Variants in SLC25A12 observed in about 807,000 individuals in gnomAD.
SLC25A12 encodes solute carrier family 25 member 12.
Under a neutral mutation model 83.3 loss-of-function variants are expected in SLC25A12, and 32 were observed. The observed-to-expected ratio is 0.38, with a 90% CI of 0.29 to 0.52. The LOEUF is 0.52. Ranked by LOEUF, SLC25A12 falls within the 20% of genes least tolerant of loss-of-function variation. SLC25A12 has a pLI of 0.84. For missense variants in SLC25A12, 611 were observed against 835.6 expected (o/e 0.73, Z 3.31); for synonymous variants, 267 against 291.1 (o/e 0.92, Z 0.84).
At chr2:171,796,391 CAAGT>C (rs1370929175) in intron 13 of SLC25A12, among the ~76,000 whole-genome samples, 1 of 152,176 alleles carries the variant, frequency 6.6e-6, no homozygotes, top group East Asian at 1.9e-4. Context: ...TATAATCTAG[CAAGT>C]AAGAGTGCAA....
intron 13 of SLC25A12, among the ~76,000 whole-genome samples, chr2:171,804,767 G>C (rs149353332): frequency 4.7e-3 from 710 of 152,278 alleles, no homozygotes; most frequent in Middle Eastern, 0.014. Flanking sequence ...AATTAGCTGA[G>C]GGTGGTGGCA....
At chr2:171,807,242 A>C (rs1166579024) in intron 13 of SLC25A12, among the ~76,000 whole-genome samples, 1 of 152,134 alleles carries the variant, frequency 6.6e-6, no homozygotes, top group Non-Finnish European at 1.5e-5. Context: ...GTCCAACCTG[A>C]CTATTTTTCA....
intron 5 of SLC25A12, among the ~76,000 whole-genome samples, chr2:171,838,744 C>T (rs1341561076): frequency 1.3e-5 from 2 of 152,112 alleles, no homozygotes; most frequent in African/African-American, 2.4e-5. Context: ...TTTAAAGATA[C>T]GTATTTGAAG....
chr2:171,867,982 C>CTTG, intron 3 of SLC25A12, among the ~76,000 whole-genome samples: 1 of 151,876 alleles, frequency 6.6e-6, no homozygotes, highest in Admixed American at 6.6e-5. Flanking sequence ...GTAGCTGGGA[C>CTTG]TACAGGCGCC....
intron 2 of SLC25A12, among the ~76,000 whole-genome samples, chr2:171,891,142 T>C (rs1685926047): frequency 6.6e-6 from 1 of 151,918 alleles, no homozygotes; most frequent in South Asian, 2.1e-4. Context: ...CTGTCTCTAC[T>C]AAAAATACAA....
chr2:171,789,694 AGCTGT>A (rs1231842007), intron 15 of SLC25A12, among the ~76,000 whole-genome samples: 1 of 152,208 alleles, frequency 6.6e-6, no homozygotes, highest in African/African-American at 2.4e-5. Flanking sequence ...GGCTCTGACC[AGCTGT>A]GCTGGCCAAC....
intron 9 of SLC25A12, among the ~76,000 whole-genome samples, chr2:171,823,740 T>C (rs1298678705): frequency 1.3e-5 from 2 of 152,164 alleles, no homozygotes; most frequent in Non-Finnish European, 2.9e-5. Flanking sequence ...AGTGGATTAA[T>C]GTAAGCTTAG....
intron 2 of SLC25A12, among the ~76,000 whole-genome samples, chr2:171,875,512 A>G (rs944169193): frequency 1.3e-5 from 2 of 152,108 alleles, no homozygotes; most frequent in Non-Finnish European, 2.9e-5. Flanking sequence ...GAGAGAGAGA[A>G]AGGGCAAGGG....
At chr2:171,884,418 T>C (rs916108888) in intron 2 of SLC25A12, among the ~76,000 whole-genome samples, 1 of 149,532 alleles carries the variant, frequency 6.7e-6, no homozygotes, top group Non-Finnish European at 1.5e-5. Context: ...CTCGAACTCC[T>C]GACCTCGTGG....
chr2:171,849,831 C>CA (rs1034384673), intron 4 of SLC25A12, among the ~76,000 whole-genome samples: 16 of 151,900 alleles, frequency 1.1e-4, no homozygotes, highest in Admixed American at 1.0e-3. Context: ...GCTGAGATTA[C>CA]AGGCGTGAGC....
chr2:171,795,295 T>G (rs1683576324), intron 13 of SLC25A12, among the ~76,000 whole-genome samples: 1 of 152,182 alleles, frequency 6.6e-6, no homozygotes, highest in Non-Finnish European at 1.5e-5. Context: ...CTGACCCAAT[T>G]TTACATGTTG....
chr2:171,793,478 C>G (rs1683531724), intron 14 of SLC25A12, 149 bp downstream of exon 14: 2 of 795,288 alleles, frequency 2.5e-6, no homozygotes, highest in Admixed American at 4.2e-5. Flanking sequence ...GCCTCTCATA[C>G]AAGTGTCCTG....
chr2:171,810,768 ATCT>A (rs1683931897), intron 11 of SLC25A12, among the ~76,000 whole-genome samples: 1 of 152,206 alleles, frequency 6.6e-6, no homozygotes, highest in African/African-American at 2.4e-5. Flanking sequence ...AACTCCCATA[ATCT>A]TCTCTTCAGA....
At chr2:171,834,902 C>T (rs760596120) in intron 6 of SLC25A12, 37 bp from the exon 7 acceptor site, 1 of 1,598,910 alleles carries the variant, frequency 6.3e-7, no homozygotes, top group South Asian at 1.1e-5. Context: ...AAAAAACAAA[C>T]AAAAACAAAA....
At chr2:171,849,439 A>G (rs942355297) in intron 4 of SLC25A12, among the ~76,000 whole-genome samples, 11 of 152,014 alleles carry the variant, frequency 7.2e-5, no homozygotes, top group African/African-American at 2.4e-4. Context: ...ATTTAATTTG[A>G]ATACTCAGGT....
chr2:171,877,246 G>A (rs542071032), intron 2 of SLC25A12, among the ~76,000 whole-genome samples: 2 of 152,264 alleles, frequency 1.3e-5, no homozygotes, highest in African/African-American at 4.8e-5. Flanking sequence ...AGAAGATCAT[G>A]CCATTTAAAA....
At chr2:171,874,316 C>T (rs898571786) in intron 2 of SLC25A12, among the ~76,000 whole-genome samples, 1 of 152,084 alleles carries the variant, frequency 6.6e-6, no homozygotes, top group African/African-American at 2.4e-5. Flanking sequence ...CTCTTGAACC[C>T]GGGAGGCAGA....
At chr2:171,834,417 G>C (rs142953980) in intron 7 of SLC25A12, 1 of 459,398 alleles carries the variant, frequency 2.2e-6, no homozygotes, top group African/African-American at 2.0e-5. Flanking sequence ...TCACCAAAAG[G>C]AGTAGGCTTG....
At chr2:171,850,090 C>T (rs1684891371) in intron 4 of SLC25A12, among the ~76,000 whole-genome samples, 1 of 151,780 alleles carries the variant, frequency 6.6e-6, no homozygotes. Flanking sequence ...AGGCAAGAGC[C>T]ACCATGCCTG....
Sources: gnomAD v4.1 joint callset for allele counts (sites outside exome capture counted in the v4.1 genomes callset) on GRCh38, gnomAD v4.1.1 for gene constraint, MANE v1.5 for transcripts, NCBI Gene and HGNC (gene_info 2026-07-23, HGNC 2026-07-21) for gene names.